Variants in VPS45 observed in about 807,000 individuals in gnomAD.
VPS45 encodes the protein vacuolar protein sorting 45 homolog.
Under a neutral mutation model 75.9 loss-of-function variants are expected in VPS45, and 35 were observed. The observed-to-expected ratio is 0.46, with a 90% CI of 0.35 to 0.61. The LOEUF is 0.61. VPS45 is among the 20% of genes least tolerant of loss of function. The pLI, the probability that VPS45 is intolerant of heterozygous loss-of-function variation, is 0.00. For synonymous variants in VPS45, 220 were observed against 238.2 expected, an observed-to-expected ratio of 0.92 and a Z score of 0.70; for missense variants, 559 against 685.9, an observed-to-expected ratio of 0.81 and a Z score of 2.07.
rs185987002 is a variant in VPS45 at position 150,100,186 on chromosome 1, A to G, written c.1493+6538A>G. On this transcript the variant is annotated intron_variant, in intron 13 of 14. Coordinates refer to ENST00000644510, the MANE Select transcript of VPS45 (RefSeq NM_007259.5). ...AAAATCACTAGCATTCCTATACAGCAACAACAACCAAGCTGAAAGCCAAAT... is the reference window on the plus strand; with the variant it reads ...AAAATCACTAGCATTCCTATACAGCGACAACAACCAAGCTGAAAGCCAAAT... 1.4e-4 allele frequency among the ~76,000 whole-genome samples: 21 copies of G among 152,344 alleles called. No homozygotes were observed. In the East Asian group the frequency reaches 3.9e-3, roughly 28 times the overall value.
chr1:150,101,112 T>C (rs1656953885), intron 13 of VPS45, among the ~76,000 whole-genome samples: 1 of 151,784 alleles, frequency 6.6e-6, no homozygotes, highest in Non-Finnish European at 1.5e-5. Context: ...CTACTAAAAA[T>C]ACAAAAAATT....
At chr1:150,076,830 A>G (rs1655412020) in intron 4 of VPS45, 86 bp from the exon 5 acceptor site, 2 of 1,481,440 alleles carry the variant, frequency 1.4e-6, no homozygotes, top group East Asian at 2.3e-5. Context: ...AAGTTTGGCT[A>G]TATCATATTA....
At chr1:150,078,065 C>T (rs1245303677) in intron 7 of VPS45, among the ~76,000 whole-genome samples, 1 of 152,126 alleles carries the variant, frequency 6.6e-6, no homozygotes, top group Admixed American at 6.6e-5. Context: ...CTTCTGTCTC[C>T]TCATTTCCAT....
At chr1:150,086,065 C>T (rs1553800599) in intron 10 of VPS45, among the ~76,000 whole-genome samples, 2 of 151,950 alleles carry the variant, frequency 1.3e-5, no homozygotes, top group Non-Finnish European at 2.9e-5. Context: ...TTTTTCCTGA[C>T]CTTTCATAAA....
intron 7 of VPS45, among the ~76,000 whole-genome samples, chr1:150,079,108 G>A (rs1247958735): frequency 3.7e-4 from 10 of 26,860 alleles, no homozygotes; most frequent in African/African-American, 1.8e-3. Flanking sequence ...CGAAACTCTT[G>A]TCTCAAAAAA....
chr1:150,118,525 C>T (rs1348208962), intron 14 of VPS45, among the ~76,000 whole-genome samples: 1 of 152,064 alleles, frequency 6.6e-6, no homozygotes, highest in East Asian at 2.0e-4. Flanking sequence ...CCTGCCTCAG[C>T]CTCCAGAGTA....
Position 150,081,559 on chromosome 1 carries a change from G to A in VPS45, c.822+83G>A, listed in dbSNP as rs1655711926. On this transcript the variant is annotated intron_variant, in intron 8 of 14. Transcript: ENST00000644510. ...TATTGGCTTGTTAGTATAGGGGCAG[G>A]CATGGGATTTCATGTGAAAGGATGA... 1.4e-6 allele frequency: 2 copies of A among 1,465,886 alleles called. 1 individual carries two copies. Among genetic ancestry groups the A allele is most frequent in the South Asian group, 2.5e-5 (2 of 79,384 alleles). The allele number at this position is 1,465,886 out of a possible 1,614,324, so 90.8% of individuals were successfully genotyped here.
At chr1:150,117,150 G>C (rs587620398) in intron 14 of VPS45, among the ~76,000 whole-genome samples, 14 of 151,676 alleles carry the variant, frequency 9.2e-5, no homozygotes, top group Non-Finnish European at 1.9e-4. Context: ...GCAGTGAGCC[G>C]AGACTGTGCC....
intron 14 of VPS45, among the ~76,000 whole-genome samples, chr1:150,139,774 C>G (rs1659288043): frequency 6.6e-6 from 1 of 152,130 alleles, no homozygotes; most frequent in Non-Finnish European, 1.5e-5. Flanking sequence ...TGGTCTTGAA[C>G]TCCTGGACTC....
rs587769697 is a variant in VPS45 at position 150,134,600 on chromosome 1, T to TA, written c.1626-10108dup. Among the ~76,000 whole-genome samples the TA allele has an allele frequency of 3.5e-3, 532 of 152,312 alleles. 2 individuals are homozygous for TA. Among genetic ancestry groups the TA allele is most frequent in the African/African-American group, 0.012 (504 of 41,570 alleles). On this transcript the variant is annotated intron_variant, in intron 14 of 14. Coordinates refer to ENST00000644510, the MANE Select transcript of VPS45 (RefSeq NM_007259.5). ...GGAAGAAGATTGTGTTTTTAGCACT[T>TA]ACCTATGTATTTCTAAATAACACAT...
chr1:150,145,041 T>A lies in VPS45; in HGVS notation c.*245T>A, dbSNP rs1659604363. 1 of 986,154 alleles carries A rather than the reference T, an allele frequency of 1.0e-6. No homozygotes were observed. Among genetic ancestry groups the A allele is most frequent in the Non-Finnish European group, 1.5e-6 (1 of 682,272 alleles). 61.1% of individuals were successfully genotyped at this position (986,154 alleles called of 1,614,324 possible). ...TTATGTATCTGTTAGCACAATCACT[T>A]CAGTTACTGATGAATTTTGTTGGGA... On this transcript the variant is annotated 3_prime_UTR_variant, in exon 15 of 15. Transcript: ENST00000644510.
At chr1:150,067,734 C>A, upstream of VPS45, 1 of 898,416 alleles carries the variant, frequency 1.1e-6, no homozygotes, top group Non-Finnish European at 1.8e-6. Context: ...CCGTGGCTGC[C>A]CGGACTCCCG....
intron 12 of VPS45, among the ~76,000 whole-genome samples, chr1:150,092,990 A>G (rs113995229): frequency 0.033 from 4,613 of 137,822 alleles, 204 homozygotes; most frequent in African/African-American, 0.11. Context: ...CTACAGGCAT[A>G]CACCACCTAC....
At chr1:150,073,612 A>G (rs990266962) in intron 3 of VPS45, among the ~76,000 whole-genome samples, 17 of 151,950 alleles carry the variant, frequency 1.1e-4, no homozygotes, top group Non-Finnish European at 8.8e-5. Flanking sequence ...TAAACTTTCT[A>G]TTTTGAAGTA....
chr1:150,101,364 A>G (rs1441703978), intron 13 of VPS45, among the ~76,000 whole-genome samples: 1 of 152,140 alleles, frequency 6.6e-6, no homozygotes, highest in African/African-American at 2.4e-5. Context: ...ACTCAGTATC[A>G]CTGATCATTA....
intron 14 of VPS45, among the ~76,000 whole-genome samples, chr1:150,133,620 G>C (rs1238560438): frequency 6.6e-6 from 1 of 152,170 alleles, no homozygotes; most frequent in Non-Finnish European, 1.5e-5. Flanking sequence ...GCTATTTGGG[G>C]CTTCGTTTCT....
intron 14 of VPS45, among the ~76,000 whole-genome samples, chr1:150,113,210 A>G (rs769045393): frequency 5.3e-5 from 8 of 152,084 alleles, no homozygotes; most frequent in Non-Finnish European, 8.8e-5. Flanking sequence ...CTAGAGGCCC[A>G]CCAAGAGTCA....
At chr1:150,075,352 T>G (rs1269177101) in intron 3 of VPS45, among the ~76,000 whole-genome samples, 1 of 152,116 alleles carries the variant, frequency 6.6e-6, no homozygotes, top group Non-Finnish European at 1.5e-5. Flanking sequence ...GTTTAACATG[T>G]TCCTTGAAGT....
intron 3 of VPS45, among the ~76,000 whole-genome samples, chr1:150,075,075 G>A (rs1392716436): frequency 7.5e-6 from 1 of 133,324 alleles, no homozygotes; most frequent in Non-Finnish European, 1.5e-5. Context: ...ATGTTGCCCA[G>A]GCTGGTCTTG....
Sources: allele counts gnomAD v4.1 joint callset (sites outside exome capture counted in the v4.1 genomes callset), GRCh38; gene constraint gnomAD v4.1.1; transcripts MANE v1.5; gene names NCBI Gene and HGNC (gene_info 2026-07-23, HGNC 2026-07-21).